Variants in HMCN1 observed in about 807,000 individuals in gnomAD.
HMCN1 encodes hemicentin-1.
HMCN1 carries 321 observed loss-of-function variants against 625.9 expected under a neutral mutation model. That is an observed-to-expected ratio of 0.51 (90% confidence interval 0.47 to 0.56). The LOEUF (loss-of-function observed/expected upper bound fraction) is 0.56, where lower values mean the gene tolerates loss of function less well. Ranked by LOEUF, HMCN1 falls within the 20% of genes least tolerant of loss-of-function variation. The pLI is 0.00. For synonymous variants in HMCN1, 2,425 were observed against 2,417.6 expected (o/e 1.00, Z -0.09); for missense variants, 6,588 against 6,887.3 (o/e 0.96, Z 1.54).
At chr1:186,064,148 C>T (rs1374329746) in intron 48 of HMCN1, among the ~76,000 whole-genome samples, 1 of 151,982 alleles carries the variant, frequency 6.6e-6, no homozygotes, top group Non-Finnish European at 1.5e-5. Context: ...TAGTAATTTA[C>T]AACAGTTGCA....
intron 4 of HMCN1, among the ~76,000 whole-genome samples, chr1:185,883,879 ATTTT>A (rs1205211897): frequency 0.02 from 1,134 of 55,842 alleles, 5 homozygotes; most frequent in African/African-American, 0.064. Flanking sequence ...ATAGGTCATG[ATTTT>A]TTTTTTTTTT....
intron 89 of HMCN1, among the ~76,000 whole-genome samples, chr1:186,139,502 A>T (rs1649817920): frequency 6.6e-6 from 1 of 152,184 alleles, no homozygotes; most frequent in Admixed American, 6.5e-5. Context: ...ATCCTAAAAT[A>T]AAAGCCAGTT....
Position 186,182,195 on chromosome 1 carries a change from C to T in HMCN1, c.16322C>T (p.Ala5441Val). 1 of 1,613,308 alleles carries T rather than the reference C, an allele frequency of 6.2e-7. No individual in the cohort carries two copies. The highest frequency in any genetic ancestry group is 8.5e-7 in the Non-Finnish European group (1 of 1,179,380). ...VDIDECENTD[A>V]CQHECKNTFG... ...ATTGATGAATGTGAAAATACAGATG[C>T]CTGCCAGCATGAGTGTAAGAATACC... The change falls in exon 105 of 107, where the codon GCC becomes GTC. Residue 5441 changes from alanine to valine, a missense_variant. By Grantham distance (64) the Ala-to-Val change is moderately conservative. Transcript: ENST00000271588.
chr1:186,029,260 A>G (rs1168853148), intron 36 of HMCN1, among the ~76,000 whole-genome samples: 1 of 152,160 alleles, frequency 6.6e-6, no homozygotes, highest in East Asian at 1.9e-4. Flanking sequence ...ATGTTGAAAT[A>G]CAGTGAGCAT....
intron 49 of HMCN1, among the ~76,000 whole-genome samples, chr1:186,066,541 G>A (rs552489871): frequency 3.9e-4 from 59 of 152,124 alleles, no homozygotes; most frequent in African/African-American, 1.3e-3. Context: ...CAGCTTCACC[G>A]TCTACTGTCT....
In HMCN1 at chr1:186,145,468, A is replaced by G; in HGVS notation, c.14332A>G (p.Met4778Val). 2 of 1,610,626 alleles carry G rather than the reference A, an allele frequency of 1.2e-6. No homozygotes were observed. The highest frequency in any genetic ancestry group is 1.7e-6 in the Non-Finnish European group (2 of 1,177,728). ...TCSRTCNGGQMRRYRTCDNPP... is the reference protein window; with the variant it reads ...TCSRTCNGGQVRRYRTCDNPP... ...CAGCCGGACGTGTAACGGAGGGCAG[A>G]TGCGGCGGTACCGCACATGTGATAA... is the stretch of plus-strand genomic sequence containing the variant. The change falls in exon 92 of 107, where the codon ATG becomes GTG. Residue 4778 changes from methionine to valine, a missense_variant. Physicochemically the swap from Met to Val is conservative, Grantham distance 21 (BLOSUM62 1). Coordinates refer to ENST00000271588, the MANE Select transcript of HMCN1 (RefSeq NM_031935.3).
intron 4 of HMCN1, among the ~76,000 whole-genome samples, chr1:185,881,714 A>G (rs1664325031): frequency 6.6e-6 from 1 of 152,238 alleles, no homozygotes; most frequent in African/African-American, 2.4e-5. Flanking sequence ...AGAACAAGAC[A>G]TAATGCTGAA....
chr1:185,903,497 C>A (rs983900779), intron 4 of HMCN1, among the ~76,000 whole-genome samples: 2 of 151,630 alleles, frequency 1.3e-5, no homozygotes, highest in Non-Finnish European at 3.0e-5. Flanking sequence ...ATTTTGCCTA[C>A]CTTTAGCATG....
intron 48 of HMCN1, among the ~76,000 whole-genome samples, chr1:186,064,064 A>G (rs1039515867): frequency 6.6e-6 from 1 of 152,124 alleles, no homozygotes; most frequent in African/African-American, 2.4e-5. Flanking sequence ...GAATGTTTCT[A>G]TTTTAAGAAA....
rs529251340 is a variant in HMCN1 at position 186,140,819 on chromosome 1, G to A, written c.13924+2847G>A. Among the ~76,000 whole-genome samples, 8 of 152,148 alleles carry A rather than the reference G, an allele frequency of 5.3e-5. No homozygotes were observed. The East Asian group carries it at 1.5e-3, about 29-fold the overall frequency. On this transcript the variant is annotated intron_variant, in intron 89 of 106. Coordinates refer to ENST00000271588, the MANE Select transcript of HMCN1 (RefSeq NM_031935.3). ...GTGATTTATATCAATCAGGACTCAG[G>A]TATTATTCAATGGTTTATCACAGTG...
intron 93 of HMCN1, among the ~76,000 whole-genome samples, chr1:186,147,540 T>C (rs1406847125): frequency 6.6e-6 from 1 of 152,150 alleles, no homozygotes; most frequent in Non-Finnish European, 1.5e-5. Context: ...GTAAAGTACT[T>C]ACTGATTTTT....
At chr1:185,957,807 T>C (rs1319406571) in intron 11 of HMCN1, among the ~76,000 whole-genome samples, 2 of 152,296 alleles carry the variant, frequency 1.3e-5, no homozygotes, top group African/African-American at 4.8e-5. Context: ...AAAGGAAATA[T>C]TTCTCAAGAT....
intron 11 of HMCN1, among the ~76,000 whole-genome samples, chr1:185,953,698 A>G (rs1649404761): frequency 6.6e-6 from 1 of 151,800 alleles, no homozygotes; most frequent in Non-Finnish European, 1.5e-5. Flanking sequence ...CACGGAGCAA[A>G]GAGCAGGAGG....
intron 68 of HMCN1, among the ~76,000 whole-genome samples, chr1:186,102,431 A>C (rs1660424170): frequency 6.6e-6 from 1 of 152,138 alleles, no homozygotes; most frequent in Non-Finnish European, 1.5e-5. Flanking sequence ...TGTAGTAGTA[A>C]TAAGTTTTTT....
intron 97 of HMCN1, among the ~76,000 whole-genome samples, chr1:186,155,067 G>C (rs1214528032): frequency 6.6e-6 from 1 of 152,146 alleles, no homozygotes; most frequent in Non-Finnish European, 1.5e-5. Context: ...CTGTGTGCCA[G>C]CTTTCCTAAA....
rs546037690 is a variant in HMCN1, at chr1:186,178,510, T to C, written c.16038T>C (p.His5346=). The C allele has an allele frequency of 6.2e-7, 1 of 1,614,040 alleles. No individual in the cohort carries two copies. Among genetic ancestry groups the C allele is most frequent in the South Asian group, 1.1e-5 (1 of 91,074 alleles). The part of the protein sequence containing the change: ...SFKCICPPGQ[H]LLGDGKSCAG... Reference sequence around the variant, plus strand: ...AGTGTATCTGTCCACCAGGACAACATTTATTAGGGGACGGGAAATCTTGCG... The same window carrying C: ...AGTGTATCTGTCCACCAGGACAACACTTATTAGGGGACGGGAAATCTTGCG... Residue 5346 remains histidine, a synonymous_variant, in exon 104 of 107, where the codon CAT becomes CAC. Coordinates refer to ENST00000271588, the MANE Select transcript of HMCN1 (RefSeq NM_031935.3).
Position 185,870,445 on chromosome 1 carries a change from C to G in HMCN1, c.621+4582C>G, listed in dbSNP as rs938445137. Among the ~76,000 whole-genome samples, 5 of 152,064 alleles carry G rather than the reference C, an allele frequency of 3.3e-5. No individual in the cohort carries two copies. The East Asian group carries it at 9.6e-4, about 29-fold the overall frequency. On this transcript the variant is annotated intron_variant, in intron 4 of 106. Transcript: ENST00000271588. ...TGAGCTTCCCTATCCTTTTTCCCACCTCCGCCAACTCATATCCTGTAACAT... is the reference window on the plus strand; with the variant it reads ...TGAGCTTCCCTATCCTTTTTCCCACGTCCGCCAACTCATATCCTGTAACAT...
intron 17 of HMCN1, 78 bp downstream of exon 17, chr1:185,981,151 G>A (rs1484253817): frequency 6.7e-6 from 6 of 889,976 alleles, no homozygotes; most frequent in African/African-American, 6.7e-5. Context: ...TCTTGCCTGT[G>A]CCACTTAAAA....
chr1:185,814,874 T>C (rs1251568549), intron 1 of HMCN1, among the ~76,000 whole-genome samples: 4 of 149,528 alleles, frequency 2.7e-5, no homozygotes, highest in African/African-American at 1.0e-4. Flanking sequence ...GTATTTTTAG[T>C]AGAGATGGGG....
Sources: allele counts gnomAD v4.1 joint callset (sites outside exome capture counted in the v4.1 genomes callset), GRCh38; gene constraint gnomAD v4.1.1; transcripts MANE v1.5; gene names NCBI Gene and HGNC (gene_info 2026-07-23, HGNC 2026-07-21).